The following CDH23 variants were observed in gnomAD, a reference collection of about 807,000 sequenced individuals.
CDH23 encodes the protein cadherin-23.
CDH23 carries 189 observed loss-of-function variants against 317.1 expected under a neutral mutation model. That is an observed-to-expected ratio of 0.60 (90% CI 0.53 to 0.67). CDH23 has a LOEUF of 0.67. Among genes scored for constraint, CDH23 ranks in the 30% least tolerant of loss-of-function variants. The probability of loss-of-function intolerance (pLI) is 0.00; values close to 1 mark genes in which losing one functional copy is unlikely to be tolerated. For synonymous variants in CDH23, 1,839 were observed against 1,876.8 expected, an observed-to-expected ratio of 0.98 and a Z score of 0.52; for missense variants, 4,401 against 4,592.4, an observed-to-expected ratio of 0.96 and a Z score of 1.20.
At chr10:71,679,336 G>GCCCC in intron 16 of CDH23, 51 bp from the exon 17 acceptor site, 2 of 1,151,914 alleles carry the variant, frequency 1.7e-6, no homozygotes, top group Middle Eastern at 2.0e-4. Flanking sequence ...CCCTCTTCTG[G>GCCCC]CCCCCAGTCT....
chr10:71,676,973 A>T (rs1864396810), intron 15 of CDH23, among the ~76,000 whole-genome samples: 1 of 152,122 alleles, frequency 6.6e-6, no homozygotes, highest in South Asian at 2.1e-4. Context: ...CCTTTCTGCT[A>T]CCTGGGAGAT....
chr10:71,807,662 C>T lies in CDH23; in HGVS notation c.8455C>T (p.Pro2819Ser). The T allele has an allele frequency of 6.2e-7, 1 of 1,613,960 alleles. No homozygotes were observed. Among genetic ancestry groups the T allele is most frequent in the Non-Finnish European group, 8.5e-7 (1 of 1,179,864 alleles). Residue 2819 changes from proline (P) to serine (S), a missense_variant, in exon 59 of 70, where the codon CCA becomes TCA. This residue lies in a region of CDH23 where 1,144 missense variants were observed against 1,138.2 expected (regional missense o/e 1.01). Transcript: ENST00000224721. ...RSWTPPRGPS[P>S]TLDLVADLTL... ...CTGGACACCTCCCCGTGGACCCTCC[C>T]CAACCCTCGACCTGGTTGCTGACCT...
At chr10:71,532,727 G>GTTTTTTTTTTTTTTTT (rs200038577) in intron 6 of CDH23, among the ~76,000 whole-genome samples, 208 of 93,820 alleles carry the variant, frequency 2.2e-3, no homozygotes, top group Non-Finnish European at 3.5e-3. Flanking sequence ...TTTTTTTTTT[G>GTTTTTTTTTTTTTTTT]TTTTTTTTTT....
intron 36 of CDH23, among the ~76,000 whole-genome samples, chr10:71,740,223 T>A (rs147626492): frequency 6.6e-6 from 1 of 152,238 alleles, no homozygotes; most frequent in Non-Finnish European, 1.5e-5. Flanking sequence ...GCTATCATTA[T>A]TGCAGAATGG....
Position 71,689,894 on chromosome 10 carries a change from TG to T in CDH23, c.2060-572del, listed in dbSNP as rs547898198. Among the ~76,000 whole-genome samples, 822 of 152,220 alleles carry T rather than the reference TG, an allele frequency of 5.4e-3. 10 individuals carry two copies. Among genetic ancestry groups the T allele is most frequent in the African/African-American group, 0.019 (788 of 41,530 alleles). ...CAGGAGGGGCTGGAGCCAGAAGCCTTGGTGGGCACAGCTTCAGGACAAGCTG... is the reference window on the plus strand; with the variant it reads ...CAGGAGGGGCTGGAGCCAGAAGCCTTGTGGGCACAGCTTCAGGACAAGCTG... On this transcript the variant is annotated intron_variant, in intron 19 of 69. Coordinates refer to ENST00000224721, the MANE Select transcript of CDH23 (RefSeq NM_022124.6).
At chr10:71,408,054 A>T (rs1302503501) in intron 1 of CDH23, among the ~76,000 whole-genome samples, 2 of 152,180 alleles carry the variant, frequency 1.3e-5, no homozygotes, top group Non-Finnish European at 1.5e-5. Flanking sequence ...TAATGACTTG[A>T]ATTATGTGGG....
chr10:71,470,253 A>T (rs115545054), intron 3 of CDH23, among the ~76,000 whole-genome samples: 1,571 of 152,238 alleles, frequency 0.01, 29 homozygotes, highest in African/African-American at 0.034. Flanking sequence ...GTGGCATGAG[A>T]GGCTTTTCTT....
intron 14 of CDH23, among the ~76,000 whole-genome samples, chr10:71,653,044 AC>A (rs1863251455): frequency 6.7e-6 from 1 of 149,580 alleles, no homozygotes; most frequent in Admixed American, 6.6e-5. Context: ...CTCCTGCCCT[AC>A]CCCTCCTCTC....
intron 18 of CDH23, among the ~76,000 whole-genome samples, chr10:71,686,585 G>A (rs542527931): frequency 6.6e-6 from 1 of 152,310 alleles, no homozygotes; most frequent in South Asian, 2.1e-4. Flanking sequence ...CTTCATACAG[G>A]ATCCTTTCCC....
At chr10:71,443,959 G>A (rs563843743) in intron 2 of CDH23, among the ~76,000 whole-genome samples, 1 of 152,358 alleles carries the variant, frequency 6.6e-6, no homozygotes, top group Non-Finnish European at 1.5e-5. Flanking sequence ...CTGATTAGTG[G>A]CAGGCCCTGT....
At chr10:71,413,667 C>A (rs1848425633) in intron 1 of CDH23, among the ~76,000 whole-genome samples, 1 of 151,996 alleles carries the variant, frequency 6.6e-6, no homozygotes, top group Non-Finnish European at 1.5e-5. Flanking sequence ...GATGTCTTTT[C>A]ATTTATTTAT....
At chr10:71,532,700 C>CTTTTTTTTTTTTTTTTTTTT (rs1855446648) in intron 6 of CDH23, among the ~76,000 whole-genome samples, 1 of 131,548 alleles carries the variant, frequency 7.6e-6, no homozygotes, top group African/African-American at 2.7e-5. Flanking sequence ...GGCAAGTTTT[C>CTTTTTTTTTTTTTTTTTTTT]TTTTGTTTTT....
intron 2 of CDH23, among the ~76,000 whole-genome samples, chr10:71,445,847 C>CA (rs34460284): frequency 0.33 from 30,370 of 91,866 alleles, 6,162 homozygotes; most frequent in East Asian, 0.45. Flanking sequence ...GACTCTGTCT[C>CA]AAAAAAAAAA....
intron 28 of CDH23, among the ~76,000 whole-genome samples, chr10:71,718,919 G>T (rs941767522): frequency 6.6e-5 from 10 of 151,496 alleles, no homozygotes; most frequent in Admixed American, 2.6e-4. Context: ...AAAAAAAAAA[G>T]GTTTTTTAAT....
chr10:71,623,781 A>G (rs1861580162), intron 11 of CDH23, among the ~76,000 whole-genome samples: 1 of 152,232 alleles, frequency 6.6e-6, no homozygotes, highest in African/African-American at 2.4e-5. Context: ...AACTCTTCCC[A>G]GGACACTGAG....
At chr10:71,626,372 C>A (rs563645889) in intron 11 of CDH23, among the ~76,000 whole-genome samples, 1 of 152,282 alleles carries the variant, frequency 6.6e-6, no homozygotes, top group African/African-American at 2.4e-5. Context: ...TTAGCCTTAG[C>A]CGTACACCGT....
At chr10:71,418,937 C>T (rs2131941718) in intron 1 of CDH23, among the ~76,000 whole-genome samples, 1 of 152,298 alleles carries the variant, frequency 6.6e-6, no homozygotes, top group Non-Finnish European at 1.5e-5. Context: ...GCTGTGGGAA[C>T]TAACTAATAA....
intron 45 of CDH23, 62 bp downstream of exon 45, chr10:71,789,104 C>G: frequency 1.2e-6 from 1 of 824,726 alleles, no homozygotes; most frequent in South Asian, 1.3e-5. Context: ...GCCTGGGATG[C>G]CTGAGGACCT....
intron 6 of CDH23, among the ~76,000 whole-genome samples, chr10:71,525,501 C>G (rs567824995): frequency 6.6e-6 from 1 of 152,112 alleles, no homozygotes. Context: ...GAACAATCCA[C>G]GAGGGCCAGC....
Sources: gnomAD v4.1 joint callset for allele counts (sites outside exome capture counted in the v4.1 genomes callset) on GRCh38, gnomAD v4.1.1 for gene constraint, gnomAD v4.1.1 regional missense constraint, MANE v1.5 for transcripts, NCBI Gene and HGNC (gene_info 2026-07-23, HGNC 2026-07-21) for gene names.